LZTR1: variants seen among roughly 807,000 people sequenced by gnomAD.
LZTR1 encodes leucine-zipper-like transcriptional regulator 1.
In LZTR1, 260 loss-of-function variants were observed where a neutral mutation model predicts 105.7. That is an observed-to-expected ratio of 2.46 (90% CI 2.22 to 2.72). The LOEUF is 2.72. Ranked by LOEUF, LZTR1 falls within the 30% of genes most tolerant of loss-of-function variation. LZTR1 has a pLI of 0.00. For missense variants in LZTR1, 1,214 were observed against 1,166.9 expected, an observed-to-expected ratio of 1.04 and a Z score of -0.59; for synonymous variants, 490 against 476.4, an observed-to-expected ratio of 1.03 and a Z score of -0.37.
At chr22:20,986,742 AGAT>A (rs931377372) in intron 3 of LZTR1, 9 of 152,248 alleles carry the variant, frequency 5.9e-5, no homozygotes, top group African/African-American at 2.2e-4. Context: ...GTAGATAGAT[AGAT>A]GATGGTTAGA....
intron 10 of LZTR1, 88 bp downstream of exon 10, chr22:20,992,457 C>T: frequency 7.2e-7 from 1 of 1,383,812 alleles, no homozygotes; most frequent in Non-Finnish European, 9.8e-7. Context: ...AGACTGAGGC[C>T]CCGAGAAATA....
chr22:20,995,096 G>A (rs1924783255), intron 16 of LZTR1, 70 bp downstream of exon 16: 3 of 1,521,008 alleles, frequency 2.0e-6, no homozygotes, highest in African/African-American at 1.4e-5. Flanking sequence ...GAGATTGGGA[G>A]CCATGGAGAG....
At position 20,987,630 on chromosome 22, in the gene LZTR1, C is replaced by A. The variant is rs1924444167; in HGVS notation, c.400+47C>A. 2.0e-6 allele frequency: 3 copies of A among 1,529,008 alleles called. No individual in the cohort carries two copies. The African/African-American group carries it at 4.1e-5, about 21-fold the overall frequency. The allele number at this position is 1,529,008 out of a possible 1,614,324, so 94.7% of individuals were successfully genotyped here. On this transcript the variant is annotated intron_variant, in intron 4 of 20. Transcript: ENST00000646124. ...AGGGGCTGTGTCGCCCCGAGGCCCA[C>A]AGACACCCTGCCCTTCTGCAGGCCT... is the stretch of plus-strand genomic sequence containing the variant.
At position 20,994,886 on chromosome 22, in the gene LZTR1, T is replaced by C. The variant is rs147714157; in HGVS notation, c.1802T>C (p.Phe601Ser). The C allele has an allele frequency of 1.2e-6, 2 of 1,613,268 alleles. No homozygotes were observed. The highest frequency in any genetic ancestry group is 2.7e-5 in the African/African-American group (2 of 74,916). ...CTGCCCCAGGAGCACTGCCTGAACT[T>C]CGTGGTAAAGGAGTCCCACTTCAAC... ...LSQLKEHCLN[F>S]VVKESHFNQV... Residue 601 changes from phenylalanine to serine, a missense_variant, in exon 16 of 21, where the codon TTC becomes TCC. Phe to Ser is a radical substitution (Grantham distance 155, BLOSUM62 -2). Transcript: ENST00000646124.
chr22:20,986,050 C>T (rs1380025322), intron 3 of LZTR1, 153 bp downstream of exon 3: 1 of 739,314 alleles, frequency 1.4e-6, no homozygotes, highest in African/African-American at 1.8e-5. Context: ...ATGCCACATC[C>T]AGAGCCGCCC....
Position 20,994,650 on chromosome 22 carries a change from A to C in LZTR1, c.1708A>C (p.Ile570Leu). 1 of 1,613,004 alleles carries C rather than the reference A, an allele frequency of 6.2e-7. No homozygotes were observed. ...CCTGGAGCAGCTGTGCCGCCAGTACATCGAGGCCTCCGTGGACCTGCAGAA... is the reference window on the plus strand; with the variant it reads ...CCTGGAGCAGCTGTGCCGCCAGTACCTCGAGGCCTCCGTGGACCTGCAGAA... ...CRLEQLCRQY[I>L]EASVDLQNVL... is the part of the protein sequence containing the mutation. Residue 570 changes from isoleucine (I) to leucine (L), a missense_variant, in exon 15 of 21, where the codon ATC (isoleucine) becomes CTC (leucine). Coordinates refer to ENST00000646124, the MANE Select transcript of LZTR1 (RefSeq NM_006767.4).
Position 20,995,948 on chromosome 22 carries a change from G to A in LZTR1, c.2070-15G>A, listed in dbSNP as rs1601722962. ...TTCTGCTGACGGCCAGGTGCCTACC[G>A]CTCGTTGTCTGCAGCTACTTTGAAG... On this transcript the variant is annotated splice_polypyrimidine_tract_variant and intron_variant, in intron 17 of 20. Transcript: ENST00000646124. The A allele has an allele frequency of 1.9e-6, 3 of 1,613,502 alleles. No homozygotes were observed. Among genetic ancestry groups the A allele is most frequent in the Non-Finnish European group, 2.5e-6 (3 of 1,180,018 alleles).
rs1257932527 is a variant in LZTR1 at position 20,985,891 on chromosome 22, G to A, written c.314G>A (p.Trp105Ter). ...LLRFDVKDCSWCRAFTTGTPP... is the reference protein window; with the variant it reads ...LLRFDVKDCS ...CGGTTCGATGTGAAAGACTGCTCCT[G>A]GTGCAGGTGGGTGGCCCCGTGCTCC... The change falls in exon 3 of 21, where the codon TGG becomes TAG. Residue 105 changes from tryptophan (W) to a stop codon, truncating the protein, a stop_gained. Coordinates refer to ENST00000646124, the MANE Select transcript of LZTR1 (RefSeq NM_006767.4). LOFTEE classifies it high-confidence loss of function. 6.2e-7 allele frequency: 1 copy of A among 1,614,124 alleles called. No individual in the cohort carries two copies. The highest frequency in any genetic ancestry group is 8.5e-7 in the Non-Finnish European group (1 of 1,180,016).
intron 5 of LZTR1, 85 bp downstream of exon 5, chr22:20,988,203 T>G: frequency 1.2e-6 from 1 of 807,166 alleles, no homozygotes; most frequent in Non-Finnish European, 2.1e-6. Flanking sequence ...GCCTCCCAGA[T>G]GAGGACCCTG....
In LZTR1 at chr22:20,996,009, G is replaced by C; in HGVS notation, c.2116G>C (p.Val706Leu). 1 of 1,613,732 alleles carries C rather than the reference G, an allele frequency of 6.2e-7. No individual in the cohort carries two copies. Among genetic ancestry groups the C allele is most frequent in the South Asian group, 1.1e-5 (1 of 91,088 alleles). Residue 706 changes from valine (V) to leucine (L), a missense_variant, in exon 18 of 21, where the codon GTG (valine) becomes CTG (leucine). Physicochemically the swap from Val to Leu is conservative, Grantham distance 32. Transcript: ENST00000646124. ...GTCCTTCATGCCCGAAGATGGGCAG[G>C]TGAACATCTCCATCGGGGAGATGGT... ...FRSFMPEDGQVNISIGEMVPS... is the reference protein window; with the variant it reads ...FRSFMPEDGQLNISIGEMVPS...
chr22:20,986,652 G>A (rs1243737159), intron 3 of LZTR1: 3 of 151,994 alleles, frequency 2.0e-5, no homozygotes, highest in African/African-American at 7.2e-5. Context: ...ATAGATGATG[G>A]ATAGATTATA....
rs766446110 is a variant in LZTR1 at position 20,982,551 on chromosome 22, C to T, written c.180C>T (p.Cys60=). 13 of 1,612,276 alleles carry T rather than the reference C, an allele frequency of 8.1e-6. No homozygotes were observed. In the Admixed American group the frequency reaches 1.2e-4, roughly 14 times the overall value. The change falls in exon 1 of 21, where the codon TGC becomes TGT. Residue 60 remains cysteine (C), a synonymous_variant. Coordinates refer to ENST00000646124, the MANE Select transcript of LZTR1 (RefSeq NM_006767.4). Reference sequence around the variant, plus strand: ...ATCGCTGGCGGCGCCTCCCGCCCTGCGACGAGTTCGTGGGTGCCCGGTACG... The same window carrying T: ...ATCGCTGGCGGCGCCTCCCGCCCTGTGACGAGTTCGTGGGTGCCCGGTACG... ...TVHRWRRLPP[C]DEFVGARRSK...
rs754243226 is a variant in LZTR1 at position 20,996,774 on chromosome 22, G to A, written c.2298G>A (p.Met766Ile). ...CGTACTGCAAGCAGAACCTGGAGATGAACGTGACGGTGCAGAACGTGCTGC... is the reference window on the plus strand; with the variant it reads ...CGTACTGCAAGCAGAACCTGGAGATAAACGTGACGGTGCAGAACGTGCTGC... Reference protein sequence around the residue: ...LQAYCKQNLEMNVTVQNVLQI... With the variant: ...LQAYCKQNLEINVTVQNVLQI... Residue 766 changes from methionine to isoleucine, a missense_variant, in exon 19 of 21, where the codon ATG becomes ATA. Transcript: ENST00000646124. 5 of 1,613,588 alleles carry A rather than the reference G, an allele frequency of 3.1e-6. No homozygotes were observed. The highest frequency in any genetic ancestry group is 2.2e-5 in the South Asian group (2 of 91,066).
intron 2 of LZTR1, among the ~76,000 whole-genome samples, chr22:20,984,610 AG>A (rs201440164): frequency 5.1e-5 from 1 of 19,734 alleles, no homozygotes; most frequent in Non-Finnish European, 1.1e-4. Flanking sequence ...GGGGCAAGTA[AG>A]GAGGGGGGGG....
rs181440863 is a variant in LZTR1 at position 20,992,710 on chromosome 22, G to A, written c.1150-84G>A. On this transcript the variant is annotated intron_variant, in intron 10 of 20. Transcript: ENST00000646124. Reference sequence around the variant, plus strand: ...TGGCCCTTCATGGCCATGAGGTGCCGCATCCTTGCCTTACCTGGCTGCACC... The same window carrying A: ...TGGCCCTTCATGGCCATGAGGTGCCACATCCTTGCCTTACCTGGCTGCACC... The A allele has an allele frequency of 1.3e-4, 121 of 906,056 alleles. No individual in the cohort carries two copies. The East Asian group carries it at 2.6e-3, about 19-fold the overall frequency. The allele number at this position is 906,056 out of a possible 1,614,324, so 56.1% of individuals were successfully genotyped here.
At position 20,983,030 on chromosome 22, in the gene LZTR1, C is replaced by T; in HGVS notation, c.204C>T (p.Arg68=). The T allele has an allele frequency of 6.2e-7, 1 of 1,614,100 alleles. No homozygotes were observed. Among genetic ancestry groups the T allele is most frequent in the Non-Finnish European group, 8.5e-7 (1 of 1,179,954 alleles). ...PPCDEFVGAR[R]SKHTVVAYKD... ...CCCTCCACTCCTTTCTTTCCAGGCGCAGCAAGCACACAGTGGTGGCCTATA... is the reference window on the plus strand; with the variant it reads ...CCCTCCACTCCTTTCTTTCCAGGCGTAGCAAGCACACAGTGGTGGCCTATA... The change falls in exon 2 of 21, where the codon CGC becomes CGT. Residue 68 remains arginine (R), a synonymous_variant. Coordinates refer to ENST00000646124, the MANE Select transcript of LZTR1 (RefSeq NM_006767.4).
chr22:20,992,455 G>T (rs545257584), intron 10 of LZTR1, 86 bp downstream of exon 10: 2 of 1,400,094 alleles, frequency 1.4e-6, no homozygotes, highest in Non-Finnish European at 1.9e-6. Context: ...GGAGACTGAG[G>T]CCCCGAGAAA....
chr22:20,994,344 C>T (rs1300249643), intron 14 of LZTR1, 75 bp downstream of exon 14: 22 of 1,500,878 alleles, frequency 1.5e-5, no homozygotes, highest in Non-Finnish European at 1.8e-5. Flanking sequence ...GTGGGTGCTG[C>T]CAGCCCTGCC....
At chr22:20,991,533 C>A in intron 8 of LZTR1, 95 bp from the exon 9 acceptor site, 1 of 986,636 alleles carries the variant, frequency 1.0e-6, no homozygotes, top group Non-Finnish European at 1.5e-6. Context: ...GTAAGGGATG[C>A]AGGGGGACCT....
Sources: gnomAD v4.1 joint callset for allele counts (sites outside exome capture counted in the v4.1 genomes callset) on GRCh38, gnomAD v4.1.1 for gene constraint, MANE v1.5 for transcripts, NCBI Gene and HGNC (gene_info 2026-07-23, HGNC 2026-07-21) for gene names.